The following ACVR2B variants were observed in gnomAD, a reference collection of about 807,000 sequenced individuals.
The protein encoded by ACVR2B is activin receptor type-2B.
A neutral mutation model predicts 65.1 loss-of-function variants in ACVR2B; 18 were observed. The observed-to-expected ratio is 0.28, with a 90% CI of 0.19 to 0.41. The LOEUF (loss-of-function observed/expected upper bound fraction) is 0.41, where lower values mean the gene tolerates loss of function less well. Among genes scored for constraint, ACVR2B ranks in the 10% least tolerant of loss-of-function variants. The pLI is 1.00. For missense variants in ACVR2B, 482 were observed against 682.7 expected, an observed-to-expected ratio of 0.71 and a Z score of 3.28; for synonymous variants, 298 against 277.7, an observed-to-expected ratio of 1.07 and a Z score of -0.73.
chr3:38,482,029 T>G (rs1710025099), intron 8 of ACVR2B, among the ~76,000 whole-genome samples, 169 bp from the exon 9 acceptor site: 2 of 152,088 alleles, frequency 1.3e-5, no homozygotes, highest in African/African-American at 4.8e-5. Context: ...TGCTGTGACC[T>G]CTTGTAACTG....
Position 38,483,268 on chromosome 3 carries a change from G to C in ACVR2B, c.1475G>C (p.Cys492Ser), listed in dbSNP as rs760196754. ...TCGGTCAACGGCACTACCTCGGACT[G>C]TCTCGTTTCCCTGGTGACCTCTGTC... ...RRSVNGTTSD[C>S]LVSLVTSVTN... is the part of the protein sequence containing the mutation. Residue 492 changes from cysteine (C) to serine (S), a missense_variant, in exon 11 of 11, where the codon TGT becomes TCT. Transcript: ENST00000352511. The surrounding 1 kb of genome is among the most constrained non-coding windows in gnomAD (Gnocchi z 4.8). 3 of 1,613,962 alleles carry C rather than the reference G, an allele frequency of 1.9e-6. No homozygotes were observed. Among genetic ancestry groups the C allele is most frequent in the Non-Finnish European group, 2.5e-6 (3 of 1,180,030 alleles).
Position 38,480,896 on chromosome 3 carries a change from C to T in ACVR2B, c.960-455C>T, listed in dbSNP as rs902788750. 5.9e-5 allele frequency among the ~76,000 whole-genome samples: 9 copies of T among 152,264 alleles called. No individual in the cohort carries two copies. The South Asian group carries it at 8.3e-4, about 14-fold the overall frequency. On this transcript the variant is annotated intron_variant, in intron 7 of 10. Coordinates refer to ENST00000352511, the MANE Select transcript of ACVR2B (RefSeq NM_001106.4). ...CATGCAATAGCACCCTTGCTCCAGC[C>T]GGCCTTCATGGTGAGCTTGAGACCC...
chr3:38,477,219 C>T lies in ACVR2B; in HGVS notation c.53-68C>T. 1.3e-6 allele frequency: 2 copies of T among 1,585,064 alleles called. No homozygotes were observed. Among genetic ancestry groups the T allele is most frequent in the Non-Finnish European group, 1.7e-6 (2 of 1,160,392 alleles). Reference sequence around the variant, plus strand: ...CCTCAGGGTGGCCTGGCACCCAGGACTGGGAGTAGGGGTTTGGGTGGTGGT... The same window carrying T: ...CCTCAGGGTGGCCTGGCACCCAGGATTGGGAGTAGGGGTTTGGGTGGTGGT... On this transcript the variant is annotated intron_variant, in intron 1 of 10. Coordinates refer to ENST00000352511, the MANE Select transcript of ACVR2B (RefSeq NM_001106.4). The surrounding 1 kb of genome is among the most constrained non-coding windows in gnomAD (Gnocchi z 6.7).
At position 38,477,366 on chromosome 3, in the gene ACVR2B, C is replaced by T. The variant is rs756779787; in HGVS notation, c.132C>T (p.Ser44=). The stretch of plus-strand genomic sequence containing the variant: ...GGGAGCTGGAGCGCACCAACCAGAG[C>T]GGCCTGGAGCGCTGCGAAGGCGAGC... The part of the protein sequence containing the change: ...ANWELERTNQ[S]GLERCEGEQD... Residue 44 remains serine (S), a synonymous_variant, in exon 2 of 11, where the codon AGC becomes AGT. Transcript: ENST00000352511. The surrounding 1 kb of genome is among the most constrained non-coding windows in gnomAD (Gnocchi z 6.7). 5.0e-5 allele frequency: 80 copies of T among 1,614,148 alleles called. 2 individuals carry two copies. Among genetic ancestry groups the T allele is most frequent in the Middle Eastern group, 4.9e-4 (3 of 6,062 alleles).
chr3:38,455,936 T>G (rs1709542849), intron 1 of ACVR2B, among the ~76,000 whole-genome samples: 1 of 152,160 alleles, frequency 6.6e-6, no homozygotes, highest in Non-Finnish European at 1.5e-5. Context: ...TCCCTGGAAG[T>G]GCTGGGGCTC....
Position 38,479,108 on chromosome 3 carries a change from C to T in ACVR2B, c.667-20C>T, listed in dbSNP as rs1709967985. ...CTAAGCCAGCCACTTGTCCCCCCAA[C>T]CCCTCGCCCCCGGCCTCAGGACAAG... On this transcript the variant is annotated intron_variant, in intron 5 of 10. Transcript: ENST00000352511. 3 of 1,613,970 alleles carry T rather than the reference C, an allele frequency of 1.9e-6. No homozygotes were observed. Among genetic ancestry groups the T allele is most frequent in the Non-Finnish European group, 2.5e-6 (3 of 1,179,984 alleles).
chr3:38,460,999 G>A lies in ACVR2B; in HGVS notation c.52+6625G>A, dbSNP rs144902819. Reference sequence around the variant, plus strand: ...GATGGGATGAGACCAGCTGTTATCCGTCCATCTGAGGAGAAGGAGGGGTCC... The same window carrying A: ...GATGGGATGAGACCAGCTGTTATCCATCCATCTGAGGAGAAGGAGGGGTCC... On this transcript the variant is annotated intron_variant, in intron 1 of 10. Transcript: ENST00000352511. Among the ~76,000 whole-genome samples the A allele has an allele frequency of 1.0e-3, 157 of 152,326 alleles. 1 individual carries two copies. The highest frequency in any genetic ancestry group is 1.9e-3 in the Non-Finnish European group (131 of 68,028).
Position 38,492,390 on chromosome 3 carries a change from A to T in ACVR2B, c.*9058A>T, listed in dbSNP as rs1167046179. 6.6e-6 allele frequency: 1 copy of T among 152,636 alleles called. No homozygotes were observed. Among genetic ancestry groups the T allele is most frequent in the East Asian group, 1.9e-4 (1 of 5,200 alleles). The allele number at this position is 152,636 out of a possible 1,614,324, so 9.5% of individuals were successfully genotyped here. ...CACCTGTTTCTCACAGTTTAAAATG[A>T]TGAGTAATTGCAAACTCTGGAAATG... On this transcript the variant is annotated 3_prime_UTR_variant, in exon 11 of 11. Coordinates refer to ENST00000352511, the MANE Select transcript of ACVR2B (RefSeq NM_001106.4).
rs967262557 is a variant in ACVR2B at position 38,491,509 on chromosome 3, C to T, written c.*8177C>T. 2.0e-5 allele frequency: 3 copies of T among 152,612 alleles called. No individual in the cohort carries two copies. Among genetic ancestry groups the T allele is most frequent in the South Asian group, 2.1e-4 (1 of 4,830 alleles). The allele number at this position is 152,612 out of a possible 1,614,324, so 9.5% of individuals were successfully genotyped here. ...GTGGGGTTTTCTCAGAGCACTGCCA[C>T]GAGTTAAGTGTGTGTTTAGCCAAAT... On this transcript the variant is annotated 3_prime_UTR_variant, in exon 11 of 11. Coordinates refer to ENST00000352511, the MANE Select transcript of ACVR2B (RefSeq NM_001106.4).
At chr3:38,454,470 C>G (rs1186613229) in intron 1 of ACVR2B, 96 bp downstream of exon 1, 2 of 1,073,632 alleles carry the variant, frequency 1.9e-6, no homozygotes, top group Non-Finnish European at 2.4e-6. Context: ...GGCCCGGGGC[C>G]TCGTCGCCGC....
intron 1 of ACVR2B, among the ~76,000 whole-genome samples, chr3:38,461,925 G>T (rs1212490993): frequency 6.6e-6 from 1 of 152,170 alleles, no homozygotes; most frequent in African/African-American, 2.4e-5. Flanking sequence ...GGGCGTGGTG[G>T]CTCATGCCTG....
chr3:38,461,666 A>G (rs1325572099), intron 1 of ACVR2B, among the ~76,000 whole-genome samples: 1 of 152,106 alleles, frequency 6.6e-6, no homozygotes, highest in Non-Finnish European at 1.5e-5. Context: ...GGGGGAGTAG[A>G]AGTCACTTCC....
chr3:38,455,643 G>A (rs1002767818), intron 1 of ACVR2B, among the ~76,000 whole-genome samples: 1 of 152,186 alleles, frequency 6.6e-6, no homozygotes, highest in African/African-American at 2.4e-5. Context: ...CGCGCGCGCA[G>A]CCTGAGTCCG....
At chr3:38,465,283 C>T (rs1267479793) in intron 1 of ACVR2B, among the ~76,000 whole-genome samples, 1 of 151,436 alleles carries the variant, frequency 6.6e-6, no homozygotes, top group Non-Finnish European at 1.5e-5. Context: ...CCTGTAATCC[C>T]AGCTACTTGG....
chr3:38,471,743 G>C (rs1709821771), intron 1 of ACVR2B, among the ~76,000 whole-genome samples: 1 of 152,156 alleles, frequency 6.6e-6, no homozygotes, highest in African/African-American at 2.4e-5. Flanking sequence ...TAAGTAACTT[G>C]GGTAGGTTAC....
chr3:38,463,525 T>G (rs1023143553), intron 1 of ACVR2B, among the ~76,000 whole-genome samples: 1 of 152,186 alleles, frequency 6.6e-6, no homozygotes, highest in African/African-American at 2.4e-5. Context: ...GGCAGAAGAC[T>G]TAGGGAAGAT....
At chr3:38,463,160 C>T (rs1490837545) in intron 1 of ACVR2B, among the ~76,000 whole-genome samples, 1 of 152,142 alleles carries the variant, frequency 6.6e-6, no homozygotes, top group Non-Finnish European at 1.5e-5. Flanking sequence ...AGGGAGGTAG[C>T]ACTGGACTAG....
intron 1 of ACVR2B, among the ~76,000 whole-genome samples, chr3:38,469,351 A>C (rs1275665397): frequency 6.6e-6 from 1 of 152,178 alleles, no homozygotes; most frequent in Non-Finnish European, 1.5e-5. Context: ...ATGTGGGTTT[A>C]AGTAGCAGTG....
Position 38,479,046 on chromosome 3 carries a change from GGTTGTT to G in ACVR2B, c.667-81_667-76del. The G allele has an allele frequency of 5.1e-6, 8 of 1,580,652 alleles. No individual in the cohort carries two copies. In the South Asian group the frequency reaches 8.9e-5, roughly 18 times the overall value. On this transcript the variant is annotated intron_variant, in intron 5 of 10. Transcript: ENST00000352511. ...GGCTTGAGGGTGGGGAATGGGGAAT[GGTTGTT>G]CTGCTGTAGGGCAATGTGACTGCAG...
Sources: gnomAD v4.1 joint callset for allele counts (sites outside exome capture counted in the v4.1 genomes callset) on GRCh38, gnomAD v4.1.1 for gene constraint, Gnocchi (gnomAD v3.1) non-coding constraint, MANE v1.5 for transcripts, NCBI Gene and HGNC (gene_info 2026-07-23, HGNC 2026-07-21) for gene names.